The following SPSB1 variants were observed in gnomAD, a reference collection of about 807,000 sequenced individuals.
SPSB1 encodes SPRY domain-containing SOCS box protein 1.
Under a neutral mutation model 21.2 loss-of-function variants are expected in SPSB1, and 8 were observed. The ratio of observed to expected loss-of-function variants is 0.38; its 90% CI spans 0.22 to 0.68. The LOEUF (loss-of-function observed/expected upper bound fraction) is 0.68. SPSB1 is among the 30% of genes least tolerant of loss of function. The pLI is 0.53. For missense variants in SPSB1, 242 were observed against 377.8 expected, an observed-to-expected ratio of 0.64 and a Z score of 2.98; for synonymous variants, 169 against 161.7, an observed-to-expected ratio of 1.05 and a Z score of -0.34.
chr1:9,293,892 C>T lies in SPSB1; in HGVS notation c.-150+821C>T, dbSNP rs867809992. Reference sequence around the variant, plus strand: ...TGTGCATGTCCTTGTGAATATGTGCCTGCGTATGAGTGTGTCTGTGTGTTC... The same window carrying T: ...TGTGCATGTCCTTGTGAATATGTGCTTGCGTATGAGTGTGTCTGTGTGTTC... On this transcript the variant is annotated intron_variant, in intron 1 of 2. Coordinates refer to ENST00000328089, the MANE Select transcript of SPSB1 (RefSeq NM_025106.4). The surrounding 1 kb of genome is among the most constrained non-coding windows in gnomAD (Gnocchi z 5.1). 3.9e-5 allele frequency among the ~76,000 whole-genome samples: 6 copies of T among 151,912 alleles called. No individual in the cohort carries two copies. In the South Asian group the frequency reaches 1.0e-3, roughly 26 times the overall value.
chr1:9,305,413 C>A lies in SPSB1; in HGVS notation c.-150+12342C>A, dbSNP rs919807470. ...TGTGGGCAGCCCAGTGACCTGTGGG[C>A]TCCAGGAGGGCAGGACCCGGCCGGC... On this transcript the variant is annotated intron_variant, in intron 1 of 2. Transcript: ENST00000328089. The surrounding 1 kb of genome is among the most constrained non-coding windows in gnomAD (Gnocchi z 4.8). Among the ~76,000 whole-genome samples the A allele has an allele frequency of 6.6e-6, 1 of 152,242 alleles. No homozygotes were observed. The highest frequency in any genetic ancestry group is 2.4e-5 in the African/African-American group (1 of 41,464).
At chr1:9,361,173 T>TTTTTCTTTTTTTTC (rs1640470951) in intron 2 of SPSB1, among the ~76,000 whole-genome samples, 1 of 143,972 alleles carries the variant, frequency 6.9e-6, no homozygotes, top group East Asian at 2.0e-4. Context: ...TTTTTTTTTT[T>TTTTTCTTTTTTTTC]TTTTTTTTTT....
Position 9,293,126 on chromosome 1 carries a change from G to T in SPSB1, c.-150+55G>T. ...ATGGGTGGGCGACCGGCCCGGGAGGGGGAGGCGCGGGGGGCCGGGCGAGGG... is the reference window on the plus strand; with the variant it reads ...ATGGGTGGGCGACCGGCCCGGGAGGTGGAGGCGCGGGGGGCCGGGCGAGGG... On this transcript the variant is annotated intron_variant, in intron 1 of 2. Coordinates refer to ENST00000328089, the MANE Select transcript of SPSB1 (RefSeq NM_025106.4). This position sits in a 1 kb window ranked among gnomAD's most constrained non-coding sequence, Gnocchi z 5.1. 1.0e-6 allele frequency: 1 copy of T among 977,676 alleles called. No individual in the cohort carries two copies. The highest frequency in any genetic ancestry group is 1.2e-6 in the Non-Finnish European group (1 of 824,394). The allele number at this position is 977,676 out of a possible 1,614,324, so 60.6% of individuals were successfully genotyped here. A position where few individuals can be genotyped will look rare whatever the true frequency, so the allele number is the denominator to read the frequency against.
rs1640469859 is a variant in SPSB1, at chr1:9,361,163, T to TTTTTTCTTTTTTTTC, written c.694+4583_694+4584insCTTTTTTTTCTTTTT. ...GGCTGGATCTGTCATTTTCTTTTTT[T>TTTTTTCTTTTTTTTC]TTTTTTTTTTTTTTTTTTTTAGAGA... On this transcript the variant is annotated intron_variant, in intron 2 of 2. Coordinates refer to ENST00000328089, the MANE Select transcript of SPSB1 (RefSeq NM_025106.4). Among the ~76,000 whole-genome samples the TTTTTTCTTTTTTTTC allele has an allele frequency of 2.3e-5, 3 of 132,654 alleles. 1 individual carries two copies. The highest frequency in any genetic ancestry group is 8.4e-5 in the African/African-American group (3 of 35,558). 87.0% of individuals were successfully genotyped at this position (132,654 alleles called of 152,430 possible).
intron 2 of SPSB1, among the ~76,000 whole-genome samples, chr1:9,362,719 G>A (rs57798936): frequency 0.019 from 2,880 of 152,318 alleles, 90 homozygotes; most frequent in African/African-American, 0.066. Flanking sequence ...TTGGGGCTCT[G>A]GGGCTGTGCA....
chr1:9,355,212 A>G (rs944936529), intron 1 of SPSB1, among the ~76,000 whole-genome samples: 6 of 152,200 alleles, frequency 3.9e-5, no homozygotes, highest in African/African-American at 1.4e-4. Context: ...CCTTTTCTGC[A>G]GTGAATTGGT....
rs34199175 is a variant in SPSB1, at chr1:9,331,321, G to GTTTT, written c.-149-24399_-149-24396dup. Reference sequence around the variant, plus strand: ...ATCTCCTTCTGCTACTGGTGCTCTTGTTTTTTTTTTTTTTTTTTTTTTTTT... The same window carrying GTTTT: ...ATCTCCTTCTGCTACTGGTGCTCTTGTTTTTTTTTTTTTTTTTTTTTTTTTTTTT... On this transcript the variant is annotated intron_variant, in intron 1 of 2. Transcript: ENST00000328089. Among the ~76,000 whole-genome samples, 73 of 53,702 alleles carry GTTTT rather than the reference G, an allele frequency of 1.4e-3. 11 individuals are homozygous for GTTTT. Among genetic ancestry groups the GTTTT allele is most frequent in the African/African-American group, 3.4e-3 (43 of 12,586 alleles). 35.2% of individuals were successfully genotyped at this position (53,702 alleles called of 152,430 possible).
intron 2 of SPSB1, among the ~76,000 whole-genome samples, chr1:9,359,501 A>T (rs770304339): frequency 1.4e-4 from 21 of 152,122 alleles, no homozygotes; most frequent in Admixed American, 2.0e-4. Context: ...CAGTAGTTGG[A>T]GACCAGCCTG....
intron 1 of SPSB1, among the ~76,000 whole-genome samples, chr1:9,352,524 G>A (rs1281064876): frequency 6.6e-6 from 1 of 152,178 alleles, no homozygotes; most frequent in East Asian, 1.9e-4. Context: ...GAGACTGTCT[G>A]GCCCTCAAAG....
chr1:9,333,781 G>T (rs1487216822), intron 1 of SPSB1, among the ~76,000 whole-genome samples: 1 of 152,162 alleles, frequency 6.6e-6, no homozygotes, highest in Non-Finnish European at 1.5e-5. Flanking sequence ...GACCCAAGGA[G>T]CCCACGGGCC....
intron 2 of SPSB1, among the ~76,000 whole-genome samples, chr1:9,364,788 T>C (rs1193670896): frequency 6.6e-6 from 1 of 152,186 alleles, no homozygotes; most frequent in Non-Finnish European, 1.5e-5. Context: ...CCTCTTCTTT[T>C]GTTTATTTAT....
At chr1:9,361,169 T>TTTTTTTTTC (rs1557467341) in intron 2 of SPSB1, among the ~76,000 whole-genome samples, 4 of 142,304 alleles carry the variant, frequency 2.8e-5, no homozygotes, top group Non-Finnish European at 4.6e-5. Context: ...TTTTTTTTTT[T>TTTTTTTTTC]TTTTTTTTTT....
chr1:9,346,710 C>T lies in SPSB1; in HGVS notation c.-149-9033C>T, dbSNP rs1020159517. 6.6e-6 allele frequency among the ~76,000 whole-genome samples: 1 copy of T among 152,186 alleles called. No homozygotes were observed. The highest frequency in any genetic ancestry group is 6.5e-5 in the Admixed American group (1 of 15,274). ...GTGCCTCATTCCTCCTCACCTCCTCCTCTTCCCTGGCGTTGGTCTATCAGG... is the reference window on the plus strand; with the variant it reads ...GTGCCTCATTCCTCCTCACCTCCTCTTCTTCCCTGGCGTTGGTCTATCAGG... On this transcript the variant is annotated intron_variant, in intron 1 of 2. Transcript: ENST00000328089. The surrounding 1 kb of genome is among the most constrained non-coding windows in gnomAD (Gnocchi z 4.4).
chr1:9,357,809 G>T (rs939939474), intron 2 of SPSB1, among the ~76,000 whole-genome samples: 5 of 152,188 alleles, frequency 3.3e-5, no homozygotes, highest in Non-Finnish European at 7.4e-5. Flanking sequence ...GGTAGCAGGA[G>T]GGCCTGGCGT....
intron 1 of SPSB1, among the ~76,000 whole-genome samples, chr1:9,306,018 T>G (rs1346319171): frequency 6.6e-6 from 1 of 152,038 alleles, no homozygotes; most frequent in African/African-American, 2.4e-5. Flanking sequence ...GGTTCGTGCT[T>G]TAGGGAACGA....
intron 2 of SPSB1, among the ~76,000 whole-genome samples, chr1:9,360,975 G>T (rs1157417182): frequency 6.6e-6 from 1 of 152,078 alleles, no homozygotes; most frequent in Non-Finnish European, 1.5e-5. Context: ...CCCTACCGAT[G>T]CTGGGGTGCC....
At chr1:9,306,901 C>CT (rs1204837281) in intron 1 of SPSB1, among the ~76,000 whole-genome samples, 3 of 147,258 alleles carry the variant, frequency 2.0e-5, no homozygotes, top group Admixed American at 1.4e-4. Flanking sequence ...ATTAGGGTGT[C>CT]TTTTTTCTTT....
Position 9,324,808 on chromosome 1 carries a change from A to G in SPSB1, c.-149-30935A>G, listed in dbSNP as rs1025074948. On this transcript the variant is annotated intron_variant, in intron 1 of 2. Coordinates refer to ENST00000328089, the MANE Select transcript of SPSB1 (RefSeq NM_025106.4). The surrounding 1 kb of genome is among the most constrained non-coding windows in gnomAD (Gnocchi z 4.3). Reference sequence around the variant, plus strand: ...TGTGGCCCTGGACTTCTTAGAGCCAACACTGGGCCAGACAGTCGTGTTTGC... The same window carrying G: ...TGTGGCCCTGGACTTCTTAGAGCCAGCACTGGGCCAGACAGTCGTGTTTGC... 1.3e-5 allele frequency among the ~76,000 whole-genome samples: 2 copies of G among 152,168 alleles called. No homozygotes were observed. The highest frequency in any genetic ancestry group is 4.8e-5 in the African/African-American group (2 of 41,434).
intron 1 of SPSB1, among the ~76,000 whole-genome samples, chr1:9,332,788 G>T (rs1020477164): frequency 2.0e-5 from 3 of 152,128 alleles, no homozygotes; most frequent in Non-Finnish European, 4.4e-5. Flanking sequence ...TGTTTTTTGG[G>T]CCCGTTCAAT....
Sources: allele counts gnomAD v4.1 joint callset (sites outside exome capture counted in the v4.1 genomes callset), GRCh38; gene constraint gnomAD v4.1.1; non-coding constraint Gnocchi (gnomAD v3.1); transcripts MANE v1.5; gene names NCBI Gene and HGNC (gene_info 2026-07-23, HGNC 2026-07-21).